CNTNAP2: variants seen among roughly 807,000 people sequenced by gnomAD.
CNTNAP2 encodes contactin-associated protein-like 2.
A neutral mutation model predicts 155.2 loss-of-function variants in CNTNAP2; 98 were observed. The ratio of observed to expected loss-of-function variants is 0.63; its 90% CI spans 0.54 to 0.75. The LOEUF (loss-of-function observed/expected upper bound fraction) is 0.75. Among genes scored for constraint, CNTNAP2 ranks in the 30% least tolerant of loss-of-function variants. The probability of loss-of-function intolerance (pLI) is 0.00; values close to 1 mark genes in which losing one functional copy is unlikely to be tolerated. For synonymous variants in CNTNAP2, 651 were observed against 631.2 expected, an observed-to-expected ratio of 1.03 and a Z score of -0.47; for missense variants, 1,727 against 1,688.1, an observed-to-expected ratio of 1.02 and a Z score of -0.40.
chr7:147,300,228 C>A lies in CNTNAP2; in HGVS notation c.1436C>A (p.Ala479Glu). ...ATTCTCACCATCGATGGAGATGAAGCATCAGCAGTTCGAACTAATAGTCCC... is the reference window on the plus strand; with the variant it reads ...ATTCTCACCATCGATGGAGATGAAGAATCAGCAGTTCGAACTAATAGTCCC... ...FAILTIDGDEASAVRTNSPLQ... is the reference protein window; with the variant it reads ...FAILTIDGDEESAVRTNSPLQ... The change falls in exon 9 of 24, where the codon GCA becomes GAA. Residue 479 changes from alanine (A) to glutamate (E), a missense_variant. Physicochemically the swap from Ala to Glu is moderately radical, Grantham distance 107. Coordinates refer to ENST00000361727, the MANE Select transcript of CNTNAP2 (RefSeq NM_014141.6). The A allele has an allele frequency of 6.2e-7, 1 of 1,613,968 alleles. No homozygotes were observed. Among genetic ancestry groups the A allele is most frequent in the Non-Finnish European group, 8.5e-7 (1 of 1,179,930 alleles).
chr7:147,642,210 G>T (rs1005092278), intron 13 of CNTNAP2, among the ~76,000 whole-genome samples: 1 of 152,064 alleles, frequency 6.6e-6, no homozygotes, highest in Non-Finnish European at 1.5e-5. Flanking sequence ...CTGGGGTAGG[G>T]GTGGAGGTGG....
At chr7:147,815,099 C>G (rs745660910) in intron 13 of CNTNAP2, among the ~76,000 whole-genome samples, 3 of 152,074 alleles carry the variant, frequency 2.0e-5, no homozygotes, top group African/African-American at 7.2e-5. Context: ...AATTGGTAAT[C>G]CATTAATTAG....
intron 2 of CNTNAP2, among the ~76,000 whole-genome samples, chr7:146,784,360 G>A (rs923974899): frequency 6.6e-6 from 1 of 152,172 alleles, no homozygotes; most frequent in Non-Finnish European, 1.5e-5. Flanking sequence ...CTGTCTAAAA[G>A]AGGGGGAAGT....
chr7:147,317,095 A>G (rs901682123), intron 9 of CNTNAP2, among the ~76,000 whole-genome samples: 4 of 152,204 alleles, frequency 2.6e-5, no homozygotes, highest in African/African-American at 7.2e-5. Flanking sequence ...TTTATTATCC[A>G]TAACTATTCA....
At chr7:148,110,992 A>G (rs1804336788) in intron 15 of CNTNAP2, among the ~76,000 whole-genome samples, 1 of 152,240 alleles carries the variant, frequency 6.6e-6, no homozygotes, top group African/African-American at 2.4e-5. Flanking sequence ...TTGAACATTC[A>G]GTGACCAAAA....
At chr7:147,231,472 G>A (rs947755066) in intron 8 of CNTNAP2, among the ~76,000 whole-genome samples, 8 of 152,230 alleles carry the variant, frequency 5.3e-5, no homozygotes, top group East Asian at 1.9e-4. Flanking sequence ...GCCAGATCAC[G>A]TGATAGTTCT....
chr7:147,447,677 C>T (rs1797763051), intron 10 of CNTNAP2, among the ~76,000 whole-genome samples: 1 of 152,240 alleles, frequency 6.6e-6, no homozygotes, highest in African/African-American at 2.4e-5. Context: ...GCCTTGGGCT[C>T]CCAAAGTGCT....
intron 12 of CNTNAP2, among the ~76,000 whole-genome samples, chr7:147,574,732 T>A (rs984516441): frequency 6.6e-6 from 1 of 152,104 alleles, no homozygotes. Context: ...TTGGTACAAG[T>A]GTAGGCAATC....
intron 13 of CNTNAP2, among the ~76,000 whole-genome samples, chr7:147,851,684 C>G (rs909587374): frequency 1.0e-4 from 15 of 149,226 alleles, no homozygotes; most frequent in African/African-American, 3.7e-4. Context: ...ACCACGTGTT[C>G]TCACTCATAG....
intron 3 of CNTNAP2, among the ~76,000 whole-genome samples, chr7:146,974,438 TA>T (rs71165056): frequency 1.3e-5 from 2 of 149,660 alleles, no homozygotes; most frequent in African/African-American, 2.5e-5. Context: ...AACTCCGTCT[TA>T]AAAAAAAATA....
intron 13 of CNTNAP2, among the ~76,000 whole-genome samples, chr7:147,781,055 G>A (rs1268376717): frequency 6.6e-6 from 1 of 152,136 alleles, no homozygotes; most frequent in Non-Finnish European, 1.5e-5. Context: ...AATGCAGCAA[G>A]GACCCTGGAG....
intron 16 of CNTNAP2, among the ~76,000 whole-genome samples, chr7:148,132,284 A>G (rs1043291911): frequency 3.9e-5 from 6 of 152,200 alleles, no homozygotes; most frequent in African/African-American, 7.2e-5. Flanking sequence ...AAAGACTTAC[A>G]TGAAATCTTA....
At chr7:146,277,233 T>C (rs981972338) in intron 1 of CNTNAP2, among the ~76,000 whole-genome samples, 2 of 152,170 alleles carry the variant, frequency 1.3e-5, no homozygotes, top group Non-Finnish European at 2.9e-5. Flanking sequence ...GCCGACACCT[T>C]GATTTTTGAA....
chr7:148,405,603 ATTTTTTTTTTTTTTTT>A (rs535094195), intron 22 of CNTNAP2, among the ~76,000 whole-genome samples: 3 of 36,832 alleles, frequency 8.1e-5, no homozygotes, highest in African/African-American at 2.6e-4. Context: ...TGCACAGCTA[ATTTTTTTTTTTTTTTT>A]TTTTTTTTTT....
intron 13 of CNTNAP2, among the ~76,000 whole-genome samples, chr7:147,794,746 T>TA (rs1797866070): frequency 2.0e-5 from 3 of 149,628 alleles, no homozygotes; most frequent in Admixed American, 1.4e-4. Context: ...AGTTTTTTTT[T>TA]TAAAAACAAT....
chr7:146,645,771 G>T (rs1200647885), intron 1 of CNTNAP2, among the ~76,000 whole-genome samples: 3 of 101,580 alleles, frequency 3.0e-5, no homozygotes, highest in African/African-American at 8.5e-5. Flanking sequence ...AAGCTACCCA[G>T]TGTGTGTGTG....
In CNTNAP2 at chr7:148,409,821, G is replaced by A. The variant is rs1286011854; in HGVS notation, c.3796+350G>A. On this transcript the variant is annotated intron_variant, in intron 23 of 23. Coordinates refer to ENST00000361727, the MANE Select transcript of CNTNAP2 (RefSeq NM_014141.6). ...AATCCCAGCACTTTGGGAGGCCGAG[G>A]CGGGCGGATCACAAGGTCAGGAGAT... 1.0e-4 allele frequency among the ~76,000 whole-genome samples: 10 copies of A among 95,716 alleles called. 2 individuals carry two copies. The highest frequency in any genetic ancestry group is 1.8e-4 in the Non-Finnish European group (8 of 44,258). 62.8% of individuals were successfully genotyped at this position (95,716 alleles called of 152,430 possible). A position where few individuals can be genotyped will look rare whatever the true frequency, so the allele number is the denominator to read the frequency against.
intron 1 of CNTNAP2, among the ~76,000 whole-genome samples, chr7:146,467,886 G>A (rs899207232): frequency 5.3e-5 from 8 of 152,106 alleles, no homozygotes; most frequent in African/African-American, 1.7e-4. Context: ...GAGCAATATT[G>A]TTCAATGTAA....
chr7:148,145,719 A>C (rs1805164866), intron 16 of CNTNAP2, among the ~76,000 whole-genome samples: 1 of 152,208 alleles, frequency 6.6e-6, no homozygotes, highest in African/African-American at 2.4e-5. Context: ...ACTACAGAGA[A>C]AGATCACACA....
Sources: allele counts gnomAD v4.1 joint callset (sites outside exome capture counted in the v4.1 genomes callset), GRCh38; gene constraint gnomAD v4.1.1; transcripts MANE v1.5; gene names NCBI Gene and HGNC (gene_info 2026-07-23, HGNC 2026-07-21).